Variants in EPB41L2 observed in about 807,000 individuals in gnomAD.
EPB41L2 encodes band 4.1-like protein 2.
EPB41L2 carries 43 observed loss-of-function variants against 113.0 expected under a neutral mutation model. The ratio of observed to expected loss-of-function variants is 0.38; its 90% CI spans 0.30 to 0.49. The LOEUF is 0.49. Ranked by LOEUF, EPB41L2 falls within the 20% of genes least tolerant of loss-of-function variation. The pLI, the probability that EPB41L2 is intolerant of heterozygous loss-of-function variation, is 0.95. For missense variants in EPB41L2, 1,147 were observed against 1,223.4 expected (o/e 0.94, Z 0.93); for synonymous variants, 442 against 436.7 (o/e 1.01, Z -0.15).
intron 19 of EPB41L2, among the ~76,000 whole-genome samples, chr6:130,855,981 T>C (rs961689404): frequency 6.6e-6 from 1 of 151,884 alleles, no homozygotes; most frequent in Non-Finnish European, 1.5e-5. Context: ...CATGGACCAA[T>C]AGAAATAGTG....
chr6:130,974,947 C>T (rs905114323), intron 1 of EPB41L2, among the ~76,000 whole-genome samples: 5 of 151,666 alleles, frequency 3.3e-5, no homozygotes, highest in African/African-American at 7.3e-5. Context: ...TTAGGAGAGA[C>T]GGGGTTTCAC....
In EPB41L2 at chr6:130,865,560, T is replaced by C; in HGVS notation, c.2805A>G (p.Thr935=). The part of the protein sequence containing the change: ...AQTITSESVS[T]TTTTHITKTV... ...CCTTGGTGATGTGTGTGGTTGTCGT[T>C]GTTGACACGGACTCAGATGTGATGG... Residue 935 remains threonine (T), a synonymous_variant, in exon 17 of 20, where the codon ACA becomes ACG. Coordinates refer to ENST00000337057, the MANE Select transcript of EPB41L2 (RefSeq NM_001431.4). The C allele has an allele frequency of 3.1e-6, 5 of 1,614,150 alleles. No individual in the cohort carries two copies. The highest frequency in any genetic ancestry group is 4.2e-6 in the Non-Finnish European group (5 of 1,180,026).
chr6:131,047,871 G>A (rs1346758324), intron 1 of EPB41L2, among the ~76,000 whole-genome samples: 1 of 152,130 alleles, frequency 6.6e-6, no homozygotes, highest in Non-Finnish European at 1.5e-5. Flanking sequence ...GCTGGGCGCG[G>A]TGGCTCATGC....
At chr6:130,958,049 C>T (rs1001990767) in intron 1 of EPB41L2, among the ~76,000 whole-genome samples, 8 of 152,164 alleles carry the variant, frequency 5.3e-5, no homozygotes, top group Admixed American at 5.2e-4. Context: ...ATAATGGCTT[C>T]TACGATGTGG....
At chr6:130,977,473 T>C (rs901099053) in intron 1 of EPB41L2, among the ~76,000 whole-genome samples, 3 of 152,040 alleles carry the variant, frequency 2.0e-5, no homozygotes, top group Non-Finnish European at 4.4e-5. Flanking sequence ...GGAGACACAC[T>C]GTTAAGGAGA....
At chr6:131,046,850 T>A (rs922777696) in intron 1 of EPB41L2, among the ~76,000 whole-genome samples, 3 of 152,162 alleles carry the variant, frequency 2.0e-5, no homozygotes, top group African/African-American at 7.2e-5. Flanking sequence ...ATGAAAACTA[T>A]CCCCTAATGA....
intron 1 of EPB41L2, among the ~76,000 whole-genome samples, chr6:131,012,421 C>T (rs752275788): frequency 6.9e-6 from 1 of 145,820 alleles, no homozygotes; most frequent in Non-Finnish European, 1.5e-5. Flanking sequence ...ATACTAGATA[C>T]CACTAGCACA....
At chr6:130,930,785 C>A in intron 3 of EPB41L2, among the ~76,000 whole-genome samples, 1 of 151,696 alleles carries the variant, frequency 6.6e-6, no homozygotes, top group East Asian at 1.9e-4. Context: ...TCAGAGACTG[C>A]ACATAGTAGA....
chr6:130,865,657 T>A, intron 16 of EPB41L2, 23 bp from the exon 17 acceptor site: 1 of 1,608,230 alleles, frequency 6.2e-7, no homozygotes, highest in South Asian at 1.1e-5. Context: ...GGGGGAAAAA[T>A]ACAAAGTAAT....
chr6:131,032,413 C>T (rs891022536), intron 1 of EPB41L2, among the ~76,000 whole-genome samples: 2 of 152,076 alleles, frequency 1.3e-5, no homozygotes, highest in East Asian at 1.9e-4. Flanking sequence ...TAAAAACTCG[C>T]TTGCACAGAA....
chr6:131,061,149 T>A (rs975124643), intron 1 of EPB41L2, among the ~76,000 whole-genome samples: 2 of 152,182 alleles, frequency 1.3e-5, no homozygotes, highest in Non-Finnish European at 2.9e-5. Context: ...TAAGTCTTTC[T>A]TACAGAGGGA....
chr6:130,853,201 G>A (rs1347551777), intron 19 of EPB41L2, among the ~76,000 whole-genome samples: 2 of 152,270 alleles, frequency 1.3e-5, no homozygotes, highest in South Asian at 2.1e-4. Flanking sequence ...CTCCTCTGTC[G>A]TTTCATCCTT....
At chr6:131,020,973 T>C (rs1789338090) in intron 1 of EPB41L2, among the ~76,000 whole-genome samples, 1 of 152,092 alleles carries the variant, frequency 6.6e-6, no homozygotes, top group Admixed American at 6.5e-5. Context: ...TTTTTTAACT[T>C]TTTTTGTAGA....
chr6:130,943,560 C>T (rs549458051), intron 3 of EPB41L2, among the ~76,000 whole-genome samples: 47 of 152,286 alleles, frequency 3.1e-4, no homozygotes, highest in African/African-American at 9.6e-4. Flanking sequence ...AAGAGGTGGA[C>T]AGTTTCTTCA....
intron 10 of EPB41L2, among the ~76,000 whole-genome samples, chr6:130,891,629 T>C (rs1583141443): frequency 1.3e-5 from 2 of 152,256 alleles, no homozygotes; most frequent in South Asian, 4.2e-4. Context: ...TTTTGTATTT[T>C]TTTAAGTAGA....
intron 10 of EPB41L2, 48 bp downstream of exon 10, chr6:130,894,296 A>C: frequency 6.9e-7 from 1 of 1,448,124 alleles, no homozygotes; most frequent in Non-Finnish European, 9.7e-7. Flanking sequence ...GTGGAATTAC[A>C]GGCATGTGCG....
At chr6:130,939,925 C>T (rs562529587) in intron 3 of EPB41L2, among the ~76,000 whole-genome samples, 1 of 152,290 alleles carries the variant, frequency 6.6e-6, no homozygotes, top group East Asian at 1.9e-4. Context: ...AATGAACATG[C>T]ACACTTAGCT....
chr6:131,043,056 T>C (rs555736527), intron 1 of EPB41L2, among the ~76,000 whole-genome samples: 1 of 152,098 alleles, frequency 6.6e-6, no homozygotes, highest in Non-Finnish European at 1.5e-5. Context: ...CCCAACAGTT[T>C]GAGAGGCCGA....
chr6:130,920,791 T>C (rs1227606579), intron 4 of EPB41L2, among the ~76,000 whole-genome samples: 3 of 152,192 alleles, frequency 2.0e-5, no homozygotes, highest in Non-Finnish European at 4.4e-5. Context: ...ATTACAGGTA[T>C]GAGCCACCAT....
Sources: allele counts gnomAD v4.1 joint callset (sites outside exome capture counted in the v4.1 genomes callset), GRCh38; gene constraint gnomAD v4.1.1; transcripts MANE v1.5; gene names NCBI Gene and HGNC (gene_info 2026-07-23, HGNC 2026-07-21).